JAM3: variants seen among roughly 807,000 people sequenced by gnomAD.
JAM3 encodes the protein junctional adhesion molecule 3.
Under a neutral mutation model 39.4 loss-of-function variants are expected in JAM3, and 31 were observed. That is an observed-to-expected ratio of 0.79 (90% confidence interval 0.59 to 1.06). JAM3 has a LOEUF of 1.06. Among genes scored for constraint, JAM3 ranks in the 50% least tolerant of loss-of-function variants. JAM3 has a pLI of 0.00. For synonymous variants in JAM3, 182 were observed against 148.7 expected (o/e 1.22, Z -1.63); for missense variants, 455 against 391.4 (o/e 1.16, Z -1.37).
At position 134,093,625 on chromosome 11, in the gene JAM3, G is replaced by A. The variant is rs645684; in HGVS notation, c.76+24466G>A. On this transcript the variant is annotated intron_variant, in intron 1 of 8. Transcript: ENST00000299106. The stretch of plus-strand genomic sequence containing the variant: ...TCATGTTCCACCTTACATCTTATTC[G>A]TCATGTTCCATCTTACATGTCACTT... Among the ~76,000 whole-genome samples, 15 of 81,132 alleles carry A rather than the reference G, an allele frequency of 1.8e-4. 1 individual carries two copies. The East Asian group carries it at 1.9e-3, about 10-fold the overall frequency. The allele number at this position is 81,132 out of a possible 152,430, so 53.2% of individuals were successfully genotyped here.
chr11:134,144,304 GGA>G lies in JAM3; in HGVS notation c.325_326del (p.Asp109LeufsTer7). 1 of 1,614,156 alleles carries G rather than the reference GGA, an allele frequency of 6.2e-7. No homozygotes were observed. Among genetic ancestry groups the G allele is most frequent in the South Asian group, 1.1e-5 (1 of 91,090 alleles). On this transcript the variant is annotated frameshift_variant, in exon 4 of 9. Coordinates refer to ENST00000299106, the MANE Select transcript of JAM3 (RefSeq NM_032801.5). LOFTEE classifies it high-confidence loss of function. ...TCCCTGAAGATCTGGAATGTGACAC[GGA>G]GAGACTCAGCCCTTTATCGCTGTGA...
intron 1 of JAM3, among the ~76,000 whole-genome samples, chr11:134,107,156 A>C (rs909731076): frequency 1.6e-4 from 25 of 152,266 alleles, no homozygotes; most frequent in African/African-American, 5.8e-4. Context: ...GCAGCCATAA[A>C]AAATGATGAG....
chr11:134,129,728 G>A (rs892693373), intron 1 of JAM3, among the ~76,000 whole-genome samples: 7 of 152,186 alleles, frequency 4.6e-5, no homozygotes, highest in South Asian at 2.1e-4. Context: ...GAGGCCAGGC[G>A]TGATGGCTTA....
intron 6 of JAM3, among the ~76,000 whole-genome samples, chr11:134,147,109 A>G (rs1475825193): frequency 1.3e-5 from 2 of 152,082 alleles, no homozygotes; most frequent in Admixed American, 1.3e-4. Flanking sequence ...CCCCAGACCT[A>G]CTTTAGCCTA....
At position 134,146,035 on chromosome 11, in the gene JAM3, G is replaced by A. The variant is rs141227203; in HGVS notation, c.702G>A (p.Glu234=). The A allele has an allele frequency of 1.9e-6, 3 of 1,612,088 alleles. No homozygotes were observed. The highest frequency in any genetic ancestry group is 2.5e-6 in the Non-Finnish European group (3 of 1,178,064). Residue 234 remains glutamate (E), a synonymous_variant, in exon 6 of 9, where the codon GAG becomes GAA. Transcript: ENST00000299106. ...GCTCAGCCAGGTGTGAGGAGCAGGA[G>A]ATGGAAGTCTGTGAGTTTCTTTTTT... ...DAGSARCEEQ[E]MEVYDLNIGG...
intron 1 of JAM3, among the ~76,000 whole-genome samples, chr11:134,114,880 T>A (rs1436553859): frequency 1.3e-5 from 2 of 152,248 alleles, no homozygotes; most frequent in Non-Finnish European, 2.9e-5. Context: ...ATAGAATTTT[T>A]AAAAATCAGC....
intron 1 of JAM3, among the ~76,000 whole-genome samples, chr11:134,118,687 T>C (rs1440751171): frequency 6.6e-6 from 1 of 152,214 alleles, no homozygotes; most frequent in African/African-American, 2.4e-5. Flanking sequence ...ACGTTTTTAC[T>C]TGGTGGTTTG....
intron 1 of JAM3, among the ~76,000 whole-genome samples, chr11:134,114,380 C>T (rs1477382676): frequency 6.6e-6 from 1 of 152,160 alleles, no homozygotes; most frequent in Non-Finnish European, 1.5e-5. Context: ...AGGAACGGAT[C>T]CAGTTTCAGC....
chr11:134,148,401 A>G (rs1943118761), intron 6 of JAM3, 146 bp from the exon 7 acceptor site: 2 of 879,030 alleles, frequency 2.3e-6, no homozygotes. Flanking sequence ...AAGGATTGTA[A>G]GTGTTCTCTC....
chr11:134,136,279 A>G (rs1029721925), intron 1 of JAM3, among the ~76,000 whole-genome samples: 2 of 152,194 alleles, frequency 1.3e-5, no homozygotes, highest in Admixed American at 1.3e-4. Context: ...CAGTGTGTGC[A>G]CAATTAAACT....
Position 134,128,443 on chromosome 11 carries a change from G to C in JAM3, c.77-11408G>C, listed in dbSNP as rs551007981. Among the ~76,000 whole-genome samples, 8 of 152,336 alleles carry C rather than the reference G, an allele frequency of 5.3e-5. No homozygotes were observed. The South Asian group carries it at 1.7e-3, about 32-fold the overall frequency. On this transcript the variant is annotated intron_variant, in intron 1 of 8. Transcript: ENST00000299106. The stretch of plus-strand genomic sequence containing the variant: ...TATTTGGTATAAAGTCAGATGATAT[G>C]GTTTGGCGGTGTGTTCCACCCAAAT...
At chr11:134,103,031 G>T (rs191172250) in intron 1 of JAM3, among the ~76,000 whole-genome samples, 1 of 152,170 alleles carries the variant, frequency 6.6e-6, no homozygotes, top group African/African-American at 2.4e-5. Context: ...GATACTCCTC[G>T]AGAAGAGCAA....
Position 134,145,838 on chromosome 11 carries a change from T to C in JAM3, c.613-108T>C. On this transcript the variant is annotated intron_variant, in intron 5 of 8. Coordinates refer to ENST00000299106, the MANE Select transcript of JAM3 (RefSeq NM_032801.5). ...GGAACATGCACAGTGCTGGGGAAGCTGAAAGCAAGCGAGCAGGTGTCGACC... is the reference window on the plus strand; with the variant it reads ...GGAACATGCACAGTGCTGGGGAAGCCGAAAGCAAGCGAGCAGGTGTCGACC... The C allele has an allele frequency of 3.8e-6, 3 of 786,688 alleles. No individual in the cohort carries two copies. The South Asian group carries it at 4.1e-5, about 11-fold the overall frequency. 48.7% of individuals were successfully genotyped at this position (786,688 alleles called of 1,614,324 possible). A position where few individuals can be genotyped will look rare whatever the true frequency, so the allele number is the denominator to read the frequency against.
chr11:134,071,569 C>G (rs1220122840), intron 1 of JAM3, among the ~76,000 whole-genome samples: 1 of 152,038 alleles, frequency 6.6e-6, no homozygotes, highest in East Asian at 1.9e-4. Context: ...GTTAGGTTTC[C>G]AAATCTTTGA....
intron 1 of JAM3, among the ~76,000 whole-genome samples, chr11:134,099,805 C>T (rs1272053810): frequency 6.6e-6 from 1 of 152,068 alleles, no homozygotes; most frequent in Non-Finnish European, 1.5e-5. Flanking sequence ...CGGGGTTTCA[C>T]CATGTTGGTC....
At chr11:134,098,983 T>C (rs945368350) in intron 1 of JAM3, among the ~76,000 whole-genome samples, 3 of 152,126 alleles carry the variant, frequency 2.0e-5, no homozygotes, top group African/African-American at 7.2e-5. Context: ...GCAGATTGCT[T>C]GAGCCCAGGA....
At chr11:134,109,566 T>C (rs1268720429) in intron 1 of JAM3, among the ~76,000 whole-genome samples, 1 of 152,206 alleles carries the variant, frequency 6.6e-6, no homozygotes, top group Non-Finnish European at 1.5e-5. Context: ...TCTCAATCAA[T>C]TGAGAACTTT....
At position 134,149,630 on chromosome 11, in the gene JAM3, G is replaced by GC. The variant is rs1291501930; in HGVS notation, c.*450dup. On this transcript the variant is annotated 3_prime_UTR_variant, in exon 9 of 9. Transcript: ENST00000299106. ...GCATCCCGGCGGGAACCCAGAAAAGGCTTCTTACACAGCAGCCTTACTTCA... is the reference window on the plus strand; with the variant it reads ...GCATCCCGGCGGGAACCCAGAAAAGGCCTTCTTACACAGCAGCCTTACTTCA... The GC allele has an allele frequency of 8.7e-6, 4 of 460,660 alleles. No individual in the cohort carries two copies. Among genetic ancestry groups the GC allele is most frequent in the South Asian group, 1.5e-5 (1 of 64,630 alleles). 28.5% of individuals were successfully genotyped at this position (460,660 alleles called of 1,614,324 possible).
At chr11:134,125,708 T>C (rs1341850446) in intron 1 of JAM3, among the ~76,000 whole-genome samples, 2 of 152,142 alleles carry the variant, frequency 1.3e-5, no homozygotes, top group Admixed American at 1.3e-4. Flanking sequence ...GCCCCGACAA[T>C]ACTCAGGAGA....
Sources: gnomAD v4.1 joint callset for allele counts (sites outside exome capture counted in the v4.1 genomes callset) on GRCh38, gnomAD v4.1.1 for gene constraint, MANE v1.5 for transcripts, NCBI Gene and HGNC (gene_info 2026-07-23, HGNC 2026-07-21) for gene names.